The following RANBP17 variants were observed in gnomAD, a reference collection of about 807,000 sequenced individuals.
RANBP17 encodes the protein RAN binding protein 17.
RANBP17 carries 158 observed loss-of-function variants against 141.2 expected under a neutral mutation model. The ratio of observed to expected loss-of-function variants is 1.12; its 90% CI spans 0.98 to 1.28. The LOEUF (loss-of-function observed/expected upper bound fraction) is 1.28. Ranked by LOEUF, RANBP17 falls within the 50% of genes most tolerant of loss-of-function variation. RANBP17 has a pLI of 0.00. For synonymous variants in RANBP17, 430 were observed against 450.0 expected (o/e 0.96, Z 0.56); for missense variants, 1,438 against 1,290.7 (o/e 1.11, Z -1.75).
chr5:171,131,744 A>G (rs1447133295), intron 14 of RANBP17, among the ~76,000 whole-genome samples: 1 of 152,218 alleles, frequency 6.6e-6, no homozygotes, highest in African/African-American at 2.4e-5. Flanking sequence ...GCATGCTGAC[A>G]GCTCAGCATT....
At chr5:171,297,944 C>T (rs906756797) in intron 27 of RANBP17, among the ~76,000 whole-genome samples, 1 of 149,902 alleles carries the variant, frequency 6.7e-6, no homozygotes, top group African/African-American at 2.5e-5. Context: ...CAACCTCCAC[C>T]TCCCAGATTC....
chr5:171,063,547 G>A (rs7718968), intron 14 of RANBP17, among the ~76,000 whole-genome samples: 4,095 of 152,250 alleles, frequency 0.027, 182 homozygotes, highest in African/African-American at 0.092. Flanking sequence ...GTACCCAGCC[G>A]TGTGAGGTGT....
intron 24 of RANBP17, among the ~76,000 whole-genome samples, chr5:171,253,746 G>A (rs1476542264): frequency 6.6e-6 from 1 of 152,152 alleles, no homozygotes; most frequent in Non-Finnish European, 1.5e-5. Context: ...GTCAGTTTAA[G>A]TAGTCCTTTT....
intron 24 of RANBP17, chr5:171,252,329 A>G: frequency 6.5e-7 from 1 of 1,544,666 alleles, no homozygotes; most frequent in Non-Finnish European, 8.9e-7. Context: ...ATGCGGGTTC[A>G]TGAGATTTTT....
chr5:170,948,224 G>A (rs973634461), intron 12 of RANBP17, among the ~76,000 whole-genome samples: 2 of 152,088 alleles, frequency 1.3e-5, no homozygotes, highest in African/African-American at 4.8e-5. Context: ...TAGCAAAAGA[G>A]GAGCTAAATG....
chr5:171,041,530 G>T (rs1361064574), intron 14 of RANBP17, among the ~76,000 whole-genome samples: 1 of 152,050 alleles, frequency 6.6e-6, no homozygotes, highest in Non-Finnish European at 1.5e-5. Flanking sequence ...CAATTTTGTT[G>T]TTGTGGAAAC....
intron 14 of RANBP17, among the ~76,000 whole-genome samples, chr5:171,137,224 G>A (rs982882467): frequency 2.0e-5 from 3 of 152,040 alleles, no homozygotes; most frequent in African/African-American, 7.2e-5. Flanking sequence ...TGAGATGATG[G>A]GACAAGTTGA....
At chr5:171,005,087 T>C (rs949013069) in intron 14 of RANBP17, among the ~76,000 whole-genome samples, 5 of 152,142 alleles carry the variant, frequency 3.3e-5, no homozygotes, top group African/African-American at 1.2e-4. Flanking sequence ...TTGAAGCTTT[T>C]TTCTAATGTC....
rs889725392 is a variant in RANBP17, at chr5:171,195,335, A to G, written c.2039-4335A>G. On this transcript the variant is annotated intron_variant, in intron 18 of 27. Transcript: ENST00000523189. ...TGTTTTCTCCTTTTGCACCAGAAATAGTAAATGATACCTGTATGGTAATAC... is the reference window on the plus strand; with the variant it reads ...TGTTTTCTCCTTTTGCACCAGAAATGGTAAATGATACCTGTATGGTAATAC... Among the ~76,000 whole-genome samples the G allele has an allele frequency of 8.5e-5, 13 of 152,258 alleles. 1 individual carries two copies. Among genetic ancestry groups the G allele is most frequent in the African/African-American group, 2.9e-4 (12 of 41,470 alleles).
intron 22 of RANBP17, 75 bp downstream of exon 22, chr5:171,221,915 T>C (rs555908315): frequency 1.7e-5 from 16 of 963,048 alleles, no homozygotes; most frequent in Admixed American, 4.7e-5. Flanking sequence ...GTTAGTTATT[T>C]TGTTCTTTTG....
chr5:171,251,723 G>A (rs540461286), intron 24 of RANBP17: 15 of 680,172 alleles, frequency 2.2e-5, no homozygotes, highest in African/African-American at 1.4e-4. Flanking sequence ...GGGTCCACCC[G>A]CGGGCTGCGG....
intron 18 of RANBP17, among the ~76,000 whole-genome samples, chr5:171,191,290 G>C (rs1304818935): frequency 6.6e-6 from 1 of 152,108 alleles, no homozygotes; most frequent in African/African-American, 2.4e-5. Flanking sequence ...GTTAACATTT[G>C]TTTAAAAATA....
At position 171,155,078 on chromosome 5, in the gene RANBP17, G is replaced by GAAA. The variant is rs145976955; in HGVS notation, c.1711-15037_1711-15035dup. 5.3e-3 allele frequency among the ~76,000 whole-genome samples: 399 copies of GAAA among 74,854 alleles called. 2 individuals carry two copies. Among genetic ancestry groups the GAAA allele is most frequent in the African/African-American group, 0.014 (223 of 16,150 alleles). 49.1% of individuals were successfully genotyped at this position (74,854 alleles called of 152,430 possible). A position where few individuals can be genotyped will look rare whatever the true frequency, so the allele number is the denominator to read the frequency against. The stretch of plus-strand genomic sequence containing the variant: ...GGGCGACAGAGTGATACTCCATCTA[G>GAAA]AAAAAAAAAAAAAAAAATATATATA... On this transcript the variant is annotated intron_variant, in intron 14 of 27. Transcript: ENST00000523189.
intron 14 of RANBP17, among the ~76,000 whole-genome samples, chr5:171,058,095 C>A (rs1401832656): frequency 1.3e-5 from 2 of 152,072 alleles, no homozygotes; most frequent in Non-Finnish European, 2.9e-5. Flanking sequence ...ATGACATTTT[C>A]TGTATCCATC....
At chr5:170,952,931 T>C (rs986890175) in intron 12 of RANBP17, among the ~76,000 whole-genome samples, 8 of 152,080 alleles carry the variant, frequency 5.3e-5, no homozygotes, top group African/African-American at 1.7e-4. Flanking sequence ...GCCCCCAAAG[T>C]AAGATTTATG....
chr5:170,963,829 A>G (rs771151870), intron 13 of RANBP17, among the ~76,000 whole-genome samples: 2 of 152,234 alleles, frequency 1.3e-5, no homozygotes, highest in Non-Finnish European at 2.9e-5. Context: ...AAGTCAAGAG[A>G]CAAATGAAAC....
At chr5:170,863,286 G>A (rs1766971403) in intron 1 of RANBP17, among the ~76,000 whole-genome samples, 1 of 152,142 alleles carries the variant, frequency 6.6e-6, no homozygotes, top group Non-Finnish European at 1.5e-5. Context: ...GGAGGCAGTG[G>A]GTGGCAGGAG....
chr5:171,282,417 C>T (rs994639780), intron 25 of RANBP17, among the ~76,000 whole-genome samples: 32 of 152,156 alleles, frequency 2.1e-4, no homozygotes, highest in African/African-American at 7.5e-4. Flanking sequence ...CCTTCTGTGT[C>T]TGTGGCTTCC....
At chr5:170,866,274 G>A (rs1767249205) in intron 1 of RANBP17, among the ~76,000 whole-genome samples, 1 of 150,302 alleles carries the variant, frequency 6.7e-6, no homozygotes, top group African/African-American at 2.5e-5. Context: ...GACCAAATCT[G>A]TTACTATACA....
Sources: allele counts gnomAD v4.1 joint callset (sites outside exome capture counted in the v4.1 genomes callset), GRCh38; gene constraint gnomAD v4.1.1; transcripts MANE v1.5; gene names NCBI Gene and HGNC (gene_info 2026-07-23, HGNC 2026-07-21).